The following ATP8A2 variants were observed in gnomAD, a reference collection of about 807,000 sequenced individuals.
The protein encoded by ATP8A2 is phospholipid-transporting ATPase IB.
ATP8A2 carries 100 observed loss-of-function variants against 165.6 expected under a neutral mutation model. The observed-to-expected ratio is 0.60, with a 90% CI of 0.51 to 0.71. The LOEUF (loss-of-function observed/expected upper bound fraction) is 0.71. Ranked by LOEUF, ATP8A2 falls within the 30% of genes least tolerant of loss-of-function variation. The probability of loss-of-function intolerance (pLI) is 0.00; values close to 1 mark genes in which losing one functional copy is unlikely to be tolerated. For missense variants in ATP8A2, 1,227 were observed against 1,479.5 expected, an observed-to-expected ratio of 0.83 and a Z score of 2.80; for synonymous variants, 543 against 548.8, an observed-to-expected ratio of 0.99 and a Z score of 0.15.
At chr13:25,759,050 G>A (rs1157235940) in intron 25 of ATP8A2, among the ~76,000 whole-genome samples, 2 of 152,220 alleles carry the variant, frequency 1.3e-5, no homozygotes, top group Non-Finnish European at 2.9e-5. Context: ...AGAGAAAGAG[G>A]AAGAGAGAAG....
chr13:25,571,285 G>A (rs1365181569), intron 17 of ATP8A2, among the ~76,000 whole-genome samples: 1 of 152,172 alleles, frequency 6.6e-6, no homozygotes, highest in Non-Finnish European at 1.5e-5. Context: ...ATACTGCCTT[G>A]CTCAGAGGAG....
At chr13:25,884,484 C>T (rs1000872922) in intron 33 of ATP8A2, among the ~76,000 whole-genome samples, 3 of 152,196 alleles carry the variant, frequency 2.0e-5, no homozygotes, top group Non-Finnish European at 4.4e-5. Context: ...CATTAGCAGG[C>T]TCTTAGAAGG....
chr13:25,763,505 T>A (rs2044426931), intron 25 of ATP8A2, among the ~76,000 whole-genome samples: 1 of 152,150 alleles, frequency 6.6e-6, no homozygotes, highest in Non-Finnish European at 1.5e-5. Context: ...TTTTCTTTCT[T>A]TGTGCCTCTA....
intron 33 of ATP8A2, among the ~76,000 whole-genome samples, chr13:25,872,160 C>A (rs139153871): frequency 1.3e-5 from 2 of 151,866 alleles, no homozygotes; most frequent in African/African-American, 2.4e-5. Context: ...TCCTCTGCCT[C>A]ACTGACCATG....
chr13:25,576,900 G>T (rs1566290275), intron 19 of ATP8A2, among the ~76,000 whole-genome samples, 169 bp from the exon 20 acceptor site: 1 of 152,140 alleles, frequency 6.6e-6, no homozygotes, highest in Non-Finnish European at 1.5e-5. Context: ...TAAATAAAAA[G>T]AGTAGGAGAT....
At chr13:25,837,007 T>G (rs1250491726) in intron 28 of ATP8A2, among the ~76,000 whole-genome samples, 156 bp from the exon 29 acceptor site, 1 of 152,208 alleles carries the variant, frequency 6.6e-6, no homozygotes, top group South Asian at 2.1e-4. Flanking sequence ...GGTCTTTCAT[T>G]TATTTCCTTT....
intron 2 of ATP8A2, among the ~76,000 whole-genome samples, chr13:25,526,800 A>G (rs1199751337): frequency 1.3e-5 from 2 of 152,226 alleles, no homozygotes; most frequent in Non-Finnish European, 2.9e-5. Context: ...GGCTGTCCCC[A>G]GGGATATTTC....
intron 24 of ATP8A2, among the ~76,000 whole-genome samples, chr13:25,647,667 CTTTCTTT>C (rs932497502): frequency 6.6e-6 from 1 of 151,280 alleles, no homozygotes; most frequent in African/African-American, 2.4e-5. Context: ...TTCAGCCATT[CTTTCTTT>C]TTTCTTTTTT....
chr13:25,864,588 G>T (rs762963422), intron 33 of ATP8A2, among the ~76,000 whole-genome samples: 1 of 152,324 alleles, frequency 6.6e-6, no homozygotes, highest in East Asian at 1.9e-4. Flanking sequence ...TCTACCATCC[G>T]AAAGCAAAGA....
In ATP8A2 at chr13:26,020,845, G is replaced by T. The variant is rs922278406; in HGVS notation, c.*860G>T. On this transcript the variant is annotated 3_prime_UTR_variant, in exon 37 of 37. Transcript: ENST00000381655. ...TCTGTAAAGAAAGAAAAGAAACATA[G>T]CCTTTCTGCATATATTCTAAACGTC... 2.6e-5 allele frequency: 4 copies of T among 152,252 alleles called. No homozygotes were observed. The highest frequency in any genetic ancestry group is 9.7e-5 in the African/African-American group (4 of 41,434). The allele number at this position is 152,252 out of a possible 1,614,324, so 9.4% of individuals were successfully genotyped here.
chr13:26,020,213 A>C lies in ATP8A2; in HGVS notation c.*228A>C. On this transcript the variant is annotated 3_prime_UTR_variant, in exon 37 of 37. Coordinates refer to ENST00000381655, the MANE Select transcript of ATP8A2 (RefSeq NM_016529.6). The stretch of plus-strand genomic sequence containing the variant: ...CCAACTCGTCTGCAGTGCTTAGCCT[A>C]ACTTTTGTTTATGTCGTTATGAAGC... 1 of 562,300 alleles carries C rather than the reference A, an allele frequency of 1.8e-6. No homozygotes were observed. 34.8% of individuals were successfully genotyped at this position (562,300 alleles called of 1,614,324 possible).
intron 22 of ATP8A2, among the ~76,000 whole-genome samples, chr13:25,580,739 T>C (rs541933301): frequency 6.6e-6 from 1 of 152,198 alleles, no homozygotes; most frequent in East Asian, 1.9e-4. Context: ...TTGCTATGTT[T>C]CCCAGGCTGG....
At chr13:25,974,719 C>G (rs1955990372) in intron 35 of ATP8A2, among the ~76,000 whole-genome samples, 1 of 152,204 alleles carries the variant, frequency 6.6e-6, no homozygotes, top group African/African-American at 2.4e-5. Flanking sequence ...CCTGCTCCAT[C>G]GGGATGAATT....
intron 25 of ATP8A2, among the ~76,000 whole-genome samples, chr13:25,714,370 T>C (rs556241389): frequency 6.6e-6 from 1 of 152,290 alleles, no homozygotes; most frequent in East Asian, 1.9e-4. Flanking sequence ...TGCTCAAATG[T>C]CACCCTCTCA....
At chr13:25,726,146 G>T (rs925231479) in intron 25 of ATP8A2, among the ~76,000 whole-genome samples, 4 of 152,172 alleles carry the variant, frequency 2.6e-5, no homozygotes, top group African/African-American at 4.8e-5. Flanking sequence ...GAATGATTTT[G>T]TAAAGAGGAT....
rs57485267 is a variant in ATP8A2, at chr13:25,720,961, C to CT, written c.2384+21635dup. On this transcript the variant is annotated intron_variant, in intron 25 of 36. Coordinates refer to ENST00000381655, the MANE Select transcript of ATP8A2 (RefSeq NM_016529.6). Reference sequence around the variant, plus strand: ...CTGGTCTGAGCTGTGGGAGCTTTAGCTTTTTTTTTTTTTTTTTTTCCTGAC... The same window carrying CT: ...CTGGTCTGAGCTGTGGGAGCTTTAGCTTTTTTTTTTTTTTTTTTTTCCTGAC... 5.2e-3 allele frequency among the ~76,000 whole-genome samples: 678 copies of CT among 129,734 alleles called. 5 individuals carry two copies. The highest frequency in any genetic ancestry group is 0.011 in the South Asian group (43 of 4,020). The allele number at this position is 129,734 out of a possible 152,430, so 85.1% of individuals were successfully genotyped here.
rs564204537 is a variant in ATP8A2 at position 25,471,007 on chromosome 13, G to A, written c.221+1886G>A. Among the ~76,000 whole-genome samples the A allele has an allele frequency of 1.1e-4, 17 of 152,244 alleles. No homozygotes were observed. The South Asian group carries it at 3.3e-3, about 30-fold the overall frequency. ...TGGGGAATGACTGTGAATGTGGATG[G>A]GGTTTCATTTTGGGGTGATGGTTGC... On this transcript the variant is annotated intron_variant, in intron 2 of 36. Coordinates refer to ENST00000381655, the MANE Select transcript of ATP8A2 (RefSeq NM_016529.6).
chr13:25,885,583 G>A (rs879681567), intron 33 of ATP8A2, among the ~76,000 whole-genome samples: 5 of 152,156 alleles, frequency 3.3e-5, no homozygotes, highest in African/African-American at 9.7e-5. Context: ...AGCCCCCGGG[G>A]TTGGCGACTG....
chr13:25,700,152 A>G (rs2042921494), intron 25 of ATP8A2, among the ~76,000 whole-genome samples: 1 of 152,072 alleles, frequency 6.6e-6, no homozygotes, highest in East Asian at 1.9e-4. Flanking sequence ...AAGTCAGGAA[A>G]CCTGGTGCAG....
Sources: gnomAD v4.1 joint callset for allele counts (sites outside exome capture counted in the v4.1 genomes callset) on GRCh38, gnomAD v4.1.1 for gene constraint, MANE v1.5 for transcripts, NCBI Gene and HGNC (gene_info 2026-07-23, HGNC 2026-07-21) for gene names.